ZSCAN25: variants seen among roughly 807,000 people sequenced by gnomAD.
ZSCAN25 encodes zinc finger and SCAN domain containing 25, also known as zinc finger and SCAN domain-containing protein 25.
In ZSCAN25, 27 loss-of-function variants were observed where a neutral mutation model predicts 38.7. That is an observed-to-expected ratio of 0.70 (90% CI 0.51 to 0.96). The LOEUF is 0.96. Ranked by LOEUF, ZSCAN25 falls within the 40% of genes least tolerant of loss-of-function variation. The pLI, the probability that ZSCAN25 is intolerant of heterozygous loss-of-function variation, is 0.00. For synonymous variants in ZSCAN25, 273 were observed against 277.7 expected (o/e 0.98, Z 0.17); for missense variants, 637 against 705.9 (o/e 0.90, Z 1.11).
chr7:99,669,933 A>C, the ZSCAN25 span, among the ~76,000 whole-genome samples: 2 of 152,202 alleles, frequency 1.3e-5, no homozygotes, highest in African/African-American at 4.8e-5. Flanking sequence ...CTCACATTTG[A>C]TGAAGTATTA....
At chr7:99,634,514 G>A (rs1584379318), downstream of ZSCAN25, among the ~76,000 whole-genome samples, 1 of 152,266 alleles carries the variant, frequency 6.6e-6, no homozygotes, top group South Asian at 2.1e-4. Flanking sequence ...ATTTGGCCAG[G>A]CGCGGTGGCT....
Position 99,632,026 on chromosome 7 carries a change from T to G in ZSCAN25, c.*2006T>G, listed in dbSNP as rs1808039180. ...AAGGCAGGTGGGGACTGGGGAGGCC[T>G]CGGGGGGCTGCTTGTCATTACCTGA... On this transcript the variant is annotated 3_prime_UTR_variant, in exon 8 of 8. Coordinates refer to ENST00000394152, the MANE Select transcript of ZSCAN25 (RefSeq NM_145115.3). The G allele has an allele frequency of 1.0e-6, 1 of 985,470 alleles. No homozygotes were observed. The highest frequency in any genetic ancestry group is 1.7e-5 in the African/African-American group (1 of 57,354). The allele number at this position is 985,470 out of a possible 1,614,324, so 61.0% of individuals were successfully genotyped here. A position where few individuals can be genotyped will look rare whatever the true frequency, so the allele number is the denominator to read the frequency against.
intron 5 of ZSCAN25, 197 bp from the exon 6 acceptor site, chr7:99,622,352 C>A: frequency 1.6e-6 from 1 of 618,654 alleles, no homozygotes. Flanking sequence ...GACACCCAGG[C>A]CCCAGCTGAG....
the ZSCAN25 span, among the ~76,000 whole-genome samples, chr7:99,706,671 G>C: frequency 6.6e-6 from 1 of 151,970 alleles, no homozygotes; most frequent in East Asian, 2.0e-4. Context: ...CAAAAGGCAT[G>C]AATATATTTT....
chr7:99,704,742 T>A, the ZSCAN25 span, among the ~76,000 whole-genome samples: 3 of 151,988 alleles, frequency 2.0e-5, no homozygotes, highest in Non-Finnish European at 4.4e-5. Flanking sequence ...GGCAGGTGGA[T>A]CATAAGGTCA....
At chr7:99,622,769 G>T (rs754006066) in intron 6 of ZSCAN25, 129 bp downstream of exon 6, 1 of 791,438 alleles carries the variant, frequency 1.3e-6, no homozygotes, top group Non-Finnish European at 2.0e-6. Flanking sequence ...TCCTAGTCCC[G>T]GTGGACCTGA....
At chr7:99,667,231 C>T in the ZSCAN25 span, among the ~76,000 whole-genome samples, 9 of 126,030 alleles carry the variant, frequency 7.1e-5, no homozygotes, top group African/African-American at 2.4e-4. Flanking sequence ...GATGCCTAGC[C>T]TCTTCTGAGT....
At chr7:99,674,102 A>G in the ZSCAN25 span, 3 of 154,028 alleles carry the variant, frequency 1.9e-5, no homozygotes, top group African/African-American at 7.2e-5. Flanking sequence ...AAACAAAACT[A>G]TTACAAAAGT....
the ZSCAN25 span, among the ~76,000 whole-genome samples, chr7:99,732,496 A>G: frequency 6.6e-6 from 1 of 152,136 alleles, no homozygotes; most frequent in South Asian, 2.1e-4. Flanking sequence ...CTGCACATCA[A>G]CTGTCTCTGT....
the ZSCAN25 span, among the ~76,000 whole-genome samples, chr7:99,698,117 G>A: frequency 1.3e-5 from 2 of 152,204 alleles, no homozygotes; most frequent in African/African-American, 4.8e-5. Context: ...CAATGAAGAG[G>A]CTAACAGAAA....
chr7:99,708,269 A>G, the ZSCAN25 span, among the ~76,000 whole-genome samples: 1 of 152,270 alleles, frequency 6.6e-6, no homozygotes, highest in Admixed American at 6.5e-5. Flanking sequence ...TGATGTGTTC[A>G]CACTACAAAA....
chr7:99,693,212 T>A, the ZSCAN25 span, among the ~76,000 whole-genome samples: 16 of 152,138 alleles, frequency 1.1e-4, no homozygotes, highest in African/African-American at 3.9e-4. Context: ...TGCCTGGGTA[T>A]TACCTGCAGA....
At chr7:99,731,906 C>G in the ZSCAN25 span, among the ~76,000 whole-genome samples, 1 of 152,132 alleles carries the variant, frequency 6.6e-6, no homozygotes, top group African/African-American at 2.4e-5. Flanking sequence ...TCATATTTTC[C>G]TGAATGACAC....
At chr7:99,717,601 A>G in the ZSCAN25 span, 5 of 1,613,730 alleles carry the variant, frequency 3.1e-6, no homozygotes, top group South Asian at 5.5e-5. Flanking sequence ...CCTCAGCTAT[A>G]GAGATGGCAT....
At chr7:99,692,428 T>A in the ZSCAN25 span, among the ~76,000 whole-genome samples, 1 of 152,198 alleles carries the variant, frequency 6.6e-6, no homozygotes, top group South Asian at 2.1e-4. Context: ...TTTCCTGAAT[T>A]TGAATGTTGG....
chr7:99,701,861 T>C, the ZSCAN25 span, among the ~76,000 whole-genome samples: 1 of 152,212 alleles, frequency 6.6e-6, no homozygotes, highest in Admixed American at 6.5e-5. Context: ...GTTGTCAGAG[T>C]GTTTGAAAAT....
chr7:99,653,987 T>C, the ZSCAN25 span, among the ~76,000 whole-genome samples: 1 of 152,104 alleles, frequency 6.6e-6, no homozygotes, highest in African/African-American at 2.4e-5. The surrounding 1 kb of genome is among the most constrained non-coding windows in gnomAD (Gnocchi z 4.2). Context: ...CCTCAGACCA[T>C]AGCCAGACCA....
At chr7:99,647,479 G>T in the ZSCAN25 span, 4 of 985,188 alleles carry the variant, frequency 4.1e-6, no homozygotes, top group Admixed American at 2.5e-4. Context: ...AGTGTTCATT[G>T]CATTAAGACA....
At chr7:99,624,655 G>A (rs1360358508) in intron 7 of ZSCAN25, among the ~76,000 whole-genome samples, 6 of 152,216 alleles carry the variant, frequency 3.9e-5, no homozygotes, top group Admixed American at 2.0e-4. Flanking sequence ...GGGGCTTCGC[G>A]ATGGGAGAGG....
Sources: gnomAD v4.1 joint callset for allele counts (sites outside exome capture counted in the v4.1 genomes callset) on GRCh38, gnomAD v4.1.1 for gene constraint, Gnocchi (gnomAD v3.1) non-coding constraint, MANE v1.5 for transcripts, NCBI Gene and HGNC (gene_info 2026-07-23, HGNC 2026-07-21) for gene names.